The following GPATCH2 variants were observed in gnomAD, a reference collection of about 807,000 sequenced individuals.
The protein encoded by GPATCH2 is G-patch domain containing 2.
In GPATCH2, 51 loss-of-function variants were observed where a neutral mutation model predicts 58.0. The ratio of observed to expected loss-of-function variants is 0.88; its 90% confidence interval spans 0.70 to 1.11. The LOEUF is 1.11. GPATCH2 is among the 50% of genes most tolerant of loss of function. The pLI is 0.00. For missense variants in GPATCH2, 625 were observed against 652.2 expected, an observed-to-expected ratio of 0.96 and a Z score of 0.45; for synonymous variants, 222 against 218.5, an observed-to-expected ratio of 1.02 and a Z score of -0.14.
At chr1:217,494,006 T>A (rs1349521788) in intron 7 of GPATCH2, among the ~76,000 whole-genome samples, 1 of 152,162 alleles carries the variant, frequency 6.6e-6, no homozygotes, top group Non-Finnish European at 1.5e-5. Context: ...AATGCAATTA[T>A]AAGGACCAAA....
intron 5 of GPATCH2, among the ~76,000 whole-genome samples, chr1:217,524,076 G>C (rs1230976463): frequency 6.7e-6 from 1 of 149,936 alleles, no homozygotes; most frequent in Non-Finnish European, 1.5e-5. Flanking sequence ...CAGGCGGGGG[G>C]CTGACCCCCC....
chr1:217,503,552 A>AG (rs1303007153), intron 6 of GPATCH2, among the ~76,000 whole-genome samples: 1 of 152,138 alleles, frequency 6.6e-6, no homozygotes, highest in Non-Finnish European at 1.5e-5. Context: ...TCTAAGAAAA[A>AG]GGGGAGTGAA....
chr1:217,533,070 T>A (rs1664281837), intron 5 of GPATCH2, among the ~76,000 whole-genome samples: 1 of 141,046 alleles, frequency 7.1e-6, no homozygotes, highest in South Asian at 2.3e-4. Flanking sequence ...ACCTGGCTAA[T>A]TTTTTTTTTT....
At position 217,430,659 on chromosome 1, in the gene GPATCH2, T is replaced by C. The variant is rs1658489814; in HGVS notation, c.*486A>G. On this transcript the variant is annotated 3_prime_UTR_variant, in exon 10 of 10. Coordinates refer to ENST00000366935, the MANE Select transcript of GPATCH2 (RefSeq NM_018040.5). ...AGAAGCCAATTCAAGGAATATGAAA[T>C]TGACAAGCCTTTCAAACAAAGATGT... The C allele has an allele frequency of 6.4e-6, 1 of 156,326 alleles. No individual in the cohort carries two copies. The allele number at this position is 156,326 out of a possible 1,614,324, so 9.7% of individuals were successfully genotyped here. A position where few individuals can be genotyped will look rare whatever the true frequency, so the allele number is the denominator to read the frequency against.
intron 8 of GPATCH2, among the ~76,000 whole-genome samples, chr1:217,475,388 G>A (rs140028952): frequency 1.6e-4 from 25 of 152,118 alleles, no homozygotes; most frequent in African/African-American, 5.3e-4. Flanking sequence ...GCAGCGAGCC[G>A]AAATTGTGCC....
At chr1:217,614,554 G>T (rs1251246682) in intron 2 of GPATCH2, among the ~76,000 whole-genome samples, 2 of 151,994 alleles carry the variant, frequency 1.3e-5, no homozygotes. Flanking sequence ...GAACACCACT[G>T]CTCAATAAAA....
chr1:217,499,747 T>A (rs1299166382), intron 6 of GPATCH2, among the ~76,000 whole-genome samples: 4 of 150,748 alleles, frequency 2.7e-5, no homozygotes, highest in Non-Finnish European at 5.9e-5. Flanking sequence ...TTTTTTTTTT[T>A]ATTTAAAGAC....
chr1:217,574,248 T>C (rs1191834181), intron 5 of GPATCH2, among the ~76,000 whole-genome samples: 1 of 152,344 alleles, frequency 6.6e-6, no homozygotes, highest in Non-Finnish European at 1.5e-5. Flanking sequence ...CATTTTTATA[T>C]ATTCAGTTGC....
chr1:217,549,259 T>A (rs1191273984), intron 5 of GPATCH2, among the ~76,000 whole-genome samples: 2 of 152,146 alleles, frequency 1.3e-5, no homozygotes, highest in Non-Finnish European at 2.9e-5. Context: ...GACCATAGAA[T>A]TCATAACTTA....
chr1:217,488,767 C>A (rs1237354222), intron 8 of GPATCH2, among the ~76,000 whole-genome samples: 1 of 152,028 alleles, frequency 6.6e-6, no homozygotes, highest in African/African-American at 2.4e-5. Flanking sequence ...TCATGGCTCA[C>A]TGTAAGGTCC....
At chr1:217,599,232 G>A (rs970064866) in intron 5 of GPATCH2, among the ~76,000 whole-genome samples, 3 of 152,162 alleles carry the variant, frequency 2.0e-5, no homozygotes, top group Admixed American at 1.3e-4. Flanking sequence ...TATTAAGACG[G>A]TAATGGAAAC....
intron 6 of GPATCH2, among the ~76,000 whole-genome samples, chr1:217,505,772 C>T (rs1489055486): frequency 6.6e-6 from 1 of 152,044 alleles, no homozygotes; most frequent in Non-Finnish European, 1.5e-5. Context: ...AATATGGTAG[C>T]CACTAGCCAT....
chr1:217,574,754 G>A (rs1189971705), intron 5 of GPATCH2, among the ~76,000 whole-genome samples: 1 of 151,938 alleles, frequency 6.6e-6, no homozygotes, highest in African/African-American at 2.4e-5. Context: ...TAAGTAAACT[G>A]TACAAAATCA....
intron 5 of GPATCH2, among the ~76,000 whole-genome samples, chr1:217,572,001 G>GA (rs1666584590): frequency 1.2e-5 from 1 of 84,638 alleles, no homozygotes; most frequent in Non-Finnish European, 2.8e-5. Flanking sequence ...AGGAAGGAAA[G>GA]AAGGAAGGAA....
At chr1:217,531,953 T>C (rs1664211703) in intron 5 of GPATCH2, among the ~76,000 whole-genome samples, 1 of 152,196 alleles carries the variant, frequency 6.6e-6, no homozygotes, top group Non-Finnish European at 1.5e-5. Context: ...TCTTGAATTG[T>C]TTCACAGTAT....
chr1:217,450,405 C>A (rs1659605653), intron 8 of GPATCH2, among the ~76,000 whole-genome samples: 1 of 151,998 alleles, frequency 6.6e-6, no homozygotes, highest in Non-Finnish European at 1.5e-5. Flanking sequence ...TATATTTAAA[C>A]ACATATACTC....
intron 5 of GPATCH2, among the ~76,000 whole-genome samples, chr1:217,567,101 C>A (rs1019144703): frequency 7.0e-6 from 1 of 143,496 alleles, no homozygotes; most frequent in African/African-American, 2.6e-5. Context: ...GGCTGGAGTG[C>A]AATGGCGCGA....
intron 5 of GPATCH2, among the ~76,000 whole-genome samples, chr1:217,604,699 T>G (rs1234695023): frequency 6.6e-6 from 1 of 152,308 alleles, no homozygotes; most frequent in Admixed American, 6.5e-5. Context: ...TCTTAGACTA[T>G]CAAGCGCCCT....
intron 5 of GPATCH2, among the ~76,000 whole-genome samples, chr1:217,579,743 T>A (rs1666971889): frequency 6.6e-6 from 1 of 152,142 alleles, no homozygotes; most frequent in African/African-American, 2.4e-5. Context: ...TCATTGAGAA[T>A]CCATCAAAGC....
Sources: allele counts gnomAD v4.1 joint callset (sites outside exome capture counted in the v4.1 genomes callset), GRCh38; gene constraint gnomAD v4.1.1; transcripts MANE v1.5; gene names NCBI Gene and HGNC (gene_info 2026-07-23, HGNC 2026-07-21).